The following HSD17B11 variants were observed in gnomAD, a reference collection of about 807,000 sequenced individuals.
The protein encoded by HSD17B11 is estradiol 17-beta-dehydrogenase 11.
A neutral mutation model predicts 27.8 loss-of-function variants in HSD17B11; 22 were observed. That is an observed-to-expected ratio of 0.79 (90% CI 0.56 to 1.13). HSD17B11 has a LOEUF of 1.13. Among genes scored for constraint, HSD17B11 ranks in the 50% most tolerant of loss-of-function variants. HSD17B11 has a pLI of 0.00. For missense variants in HSD17B11, 314 were observed against 351.1 expected, an observed-to-expected ratio of 0.89 and a Z score of 0.84; for synonymous variants, 117 against 132.8, an observed-to-expected ratio of 0.88 and a Z score of 0.82.
intron 4 of HSD17B11, among the ~76,000 whole-genome samples, chr4:87,368,241 C>T (rs1213068499): frequency 6.6e-6 from 1 of 152,006 alleles, no homozygotes; most frequent in Non-Finnish European, 1.5e-5. Context: ...GGCATGAACC[C>T]GGGAGGCAGA....
intron 2 of HSD17B11, among the ~76,000 whole-genome samples, chr4:87,381,837 TA>T (rs1720182273): frequency 6.6e-6 from 1 of 151,920 alleles, no homozygotes. Context: ...AGCTTTATTG[TA>T]ACTTTCTAAC....
intron 4 of HSD17B11, among the ~76,000 whole-genome samples, chr4:87,358,197 G>C (rs1192323500): frequency 1.3e-5 from 2 of 151,932 alleles, no homozygotes; most frequent in East Asian, 3.9e-4. Flanking sequence ...TCCTGACCTC[G>C]TGATCTGCCC....
chr4:87,388,025 T>C (rs1359572555), intron 1 of HSD17B11, among the ~76,000 whole-genome samples: 1 of 152,114 alleles, frequency 6.6e-6, no homozygotes, highest in Non-Finnish European at 1.5e-5. Flanking sequence ...AAACCCTTCA[T>C]TGACTCCCCA....
chr4:87,381,276 C>T (rs564536350), intron 2 of HSD17B11, among the ~76,000 whole-genome samples: 2 of 151,680 alleles, frequency 1.3e-5, no homozygotes, highest in East Asian at 3.9e-4. Flanking sequence ...TTTTATACTG[C>T]ACTGAATTAG....
intron 3 of HSD17B11, among the ~76,000 whole-genome samples, chr4:87,374,085 G>C (rs1735772978): frequency 6.6e-6 from 1 of 152,210 alleles, no homozygotes; most frequent in Admixed American, 6.5e-5. Flanking sequence ...AGCACTTTGG[G>C]AGGCTGAGGC....
intron 4 of HSD17B11, among the ~76,000 whole-genome samples, chr4:87,371,732 T>C (rs991151401): frequency 2.6e-5 from 4 of 152,336 alleles, no homozygotes; most frequent in East Asian, 3.9e-4. Context: ...GATCAGATGC[T>C]GAGCAAAAAC....
intron 4 of HSD17B11, among the ~76,000 whole-genome samples, chr4:87,358,122 C>T (rs886928569): frequency 2.6e-5 from 4 of 151,836 alleles, no homozygotes; most frequent in Non-Finnish European, 4.4e-5. Flanking sequence ...CCACCATGCT[C>T]GGCTAATTTT....
At chr4:87,389,403 T>C (rs1720401323) in intron 1 of HSD17B11, among the ~76,000 whole-genome samples, 1 of 152,158 alleles carries the variant, frequency 6.6e-6, no homozygotes, top group Admixed American at 6.5e-5. Context: ...TTTGTATTTT[T>C]GGTAGAAATG....
chr4:87,359,851 C>T (rs1735472234), intron 4 of HSD17B11, among the ~76,000 whole-genome samples: 1 of 152,088 alleles, frequency 6.6e-6, no homozygotes, highest in Non-Finnish European at 1.5e-5. Flanking sequence ...ATATTCTAAA[C>T]TTTATTAACT....
chr4:87,362,902 T>G (rs950151178), intron 4 of HSD17B11, among the ~76,000 whole-genome samples: 3 of 152,170 alleles, frequency 2.0e-5, no homozygotes, highest in African/African-American at 4.8e-5. Context: ...AGGCAATACT[T>G]TCCGTCTCTA....
chr4:87,389,100 G>A (rs185997092), intron 1 of HSD17B11, among the ~76,000 whole-genome samples: 1 of 152,270 alleles, frequency 6.6e-6, no homozygotes, highest in Non-Finnish European at 1.5e-5. Flanking sequence ...ATCAGAAAAC[G>A]AAAGCTCAGA....
intron 1 of HSD17B11, among the ~76,000 whole-genome samples, chr4:87,387,871 C>T (rs1054206621): frequency 2.0e-5 from 3 of 152,096 alleles, no homozygotes; most frequent in Non-Finnish European, 4.4e-5. Flanking sequence ...ACTGCCAACC[C>T]GGTTCAATAG....
At chr4:87,372,927 GA>G in intron 3 of HSD17B11, 112 bp from the exon 4 acceptor site, 1 of 658,846 alleles carries the variant, frequency 1.5e-6, no homozygotes, top group South Asian at 2.0e-5. Flanking sequence ...TGTCATAAAT[GA>G]AAAAAACAAA....
intron 1 of HSD17B11, among the ~76,000 whole-genome samples, chr4:87,387,633 G>A (rs60351629): frequency 0.023 from 3,429 of 152,084 alleles, 123 homozygotes; most frequent in African/African-American, 0.077. Flanking sequence ...TGTGTATACC[G>A]AACTAGGATT....
intron 6 of HSD17B11, among the ~76,000 whole-genome samples, chr4:87,337,999 C>T (rs1031707201): frequency 2.6e-5 from 4 of 152,128 alleles, no homozygotes; most frequent in Admixed American, 6.6e-5. Context: ...GGGTGGATCA[C>T]GAGGTCAGGA....
In HSD17B11 at chr4:87,370,739, TA is replaced by T. The variant is rs1433780151; in HGVS notation, c.557+1969del. ...GCCTAGATATTATTATTATTATTATTATTATTATTATTATTATTTTTTTTTT... is the reference window on the plus strand; with the variant it reads ...GCCTAGATATTATTATTATTATTATTTTATTATTATTATTATTTTTTTTTT... On this transcript the variant is annotated intron_variant, in intron 4 of 6. Coordinates refer to ENST00000358290, the MANE Select transcript of HSD17B11 (RefSeq NM_016245.5). Among the ~76,000 whole-genome samples, 40 of 7,840 alleles carry T rather than the reference TA, an allele frequency of 5.1e-3. 4 individuals carry two copies. In the East Asian group the frequency reaches 0.063, roughly 12 times the overall value. 5.1% of individuals were successfully genotyped at this position (7,840 alleles called of 152,430 possible). A position where few individuals can be genotyped will look rare whatever the true frequency, so the allele number is the denominator to read the frequency against.
At chr4:87,369,087 T>C (rs1247236217) in intron 4 of HSD17B11, among the ~76,000 whole-genome samples, 3 of 152,198 alleles carry the variant, frequency 2.0e-5, no homozygotes, top group Non-Finnish European at 4.4e-5. Flanking sequence ...CGGGACTCCT[T>C]TCCATTAACA....
chr4:87,387,389 A>G (rs1720348473), intron 1 of HSD17B11, among the ~76,000 whole-genome samples: 1 of 152,156 alleles, frequency 6.6e-6, no homozygotes, highest in Non-Finnish European at 1.5e-5. Flanking sequence ...TCTAGGTGAA[A>G]GGGCCCTCCG....
chr4:87,378,881 A>T (rs866939362), intron 2 of HSD17B11, among the ~76,000 whole-genome samples: 188 of 15,236 alleles, frequency 0.012, 9 homozygotes, highest in African/African-American at 0.021. Flanking sequence ...TATATATATA[A>T]ATATATATAT....
Sources: gnomAD v4.1 joint callset for allele counts (sites outside exome capture counted in the v4.1 genomes callset) on GRCh38, gnomAD v4.1.1 for gene constraint, MANE v1.5 for transcripts, NCBI Gene and HGNC (gene_info 2026-07-23, HGNC 2026-07-21) for gene names.